Variants in CDH13 observed in about 807,000 individuals in gnomAD.
The protein encoded by CDH13 is cadherin-13.
CDH13 carries 24 observed loss-of-function variants against 63.8 expected under a neutral mutation model. The ratio of observed to expected loss-of-function variants is 0.38; its 90% CI spans 0.27 to 0.53. The LOEUF (loss-of-function observed/expected upper bound fraction) is 0.53. Ranked by LOEUF, CDH13 falls within the 20% of genes least tolerant of loss-of-function variation. CDH13 has a pLI of 0.85. For missense variants in CDH13, 1,049 were observed against 903.1 expected (o/e 1.16, Z -2.07); for synonymous variants, 503 against 355.3 (o/e 1.42, Z -4.67).
At chr16:83,005,598 C>G (rs1029301937) in intron 2 of CDH13, among the ~76,000 whole-genome samples, 4 of 152,194 alleles carry the variant, frequency 2.6e-5, no homozygotes, top group African/African-American at 7.2e-5. Context: ...TTCATCTTCT[C>G]TACCTCCCAG....
At chr16:83,446,579 A>G (rs1409710286) in intron 6 of CDH13, among the ~76,000 whole-genome samples, 2 of 152,200 alleles carry the variant, frequency 1.3e-5, no homozygotes, top group Non-Finnish European at 2.9e-5. Flanking sequence ...AAAACCACAC[A>G]GGGATTTGGT....
chr16:83,705,002 A>G (rs1227362897), intron 10 of CDH13, among the ~76,000 whole-genome samples: 1 of 152,236 alleles, frequency 6.6e-6, no homozygotes, highest in Non-Finnish European at 1.5e-5. Flanking sequence ...TCCAAGAATA[A>G]GTTATCTCAC....
At chr16:82,806,898 T>C (rs895896427) in intron 1 of CDH13, among the ~76,000 whole-genome samples, 1 of 152,130 alleles carries the variant, frequency 6.6e-6, no homozygotes, top group African/African-American at 2.4e-5. Context: ...AAGAATAATA[T>C]GCTCTAGCAT....
At chr16:83,271,284 T>C (rs1179617730) in intron 5 of CDH13, among the ~76,000 whole-genome samples, 1 of 151,636 alleles carries the variant, frequency 6.6e-6, no homozygotes, top group Non-Finnish European at 1.5e-5. Context: ...GTATTTCCAG[T>C]AATGTGGGTG....
chr16:83,145,889 A>G (rs1221973643), intron 4 of CDH13, among the ~76,000 whole-genome samples: 1 of 152,176 alleles, frequency 6.6e-6, no homozygotes, highest in Non-Finnish European at 1.5e-5. Context: ...TGTGACTCTA[A>G]GGATGAAAAG....
At chr16:83,534,585 C>G (rs2075147846) in intron 7 of CDH13, among the ~76,000 whole-genome samples, 1 of 152,126 alleles carries the variant, frequency 6.6e-6, no homozygotes, top group Non-Finnish European at 1.5e-5. Flanking sequence ...GCGATTGGCC[C>G]CTGTCACTTA....
intron 1 of CDH13, among the ~76,000 whole-genome samples, chr16:82,841,262 T>A (rs1597767231): frequency 2.0e-5 from 3 of 152,342 alleles, no homozygotes; most frequent in African/African-American, 7.2e-5. Flanking sequence ...ACAGTGGCCA[T>A]ATGGGACGTG....
At chr16:83,762,421 T>C (rs1438035634) in intron 11 of CDH13, among the ~76,000 whole-genome samples, 1 of 151,478 alleles carries the variant, frequency 6.6e-6, no homozygotes, top group Admixed American at 6.6e-5. Context: ...ACCCAAGCGG[T>C]AGAGAGAACA....
intron 4 of CDH13, among the ~76,000 whole-genome samples, chr16:83,165,616 A>G (rs774086687): frequency 4.6e-5 from 7 of 152,218 alleles, no homozygotes; most frequent in Middle Eastern, 3.4e-3. Context: ...GAGACCTGGA[A>G]TTGATGACCT....
At chr16:82,836,126 G>GTTTGTT (rs1222285818) in intron 1 of CDH13, among the ~76,000 whole-genome samples, 1 of 151,996 alleles carries the variant, frequency 6.6e-6, no homozygotes, top group Admixed American at 6.6e-5. Flanking sequence ...CATTTTGTTT[G>GTTTGTT]CTTGTTTTTG....
chr16:83,712,395 C>T (rs1451417702), intron 10 of CDH13, among the ~76,000 whole-genome samples: 1 of 152,088 alleles, frequency 6.6e-6, no homozygotes, highest in Non-Finnish European at 1.5e-5. Flanking sequence ...GATCTTTGCC[C>T]AACAGGAAGG....
intron 1 of CDH13, among the ~76,000 whole-genome samples, chr16:82,821,865 AGGAATG>A (rs2151096508): frequency 1.3e-5 from 2 of 152,334 alleles, no homozygotes; most frequent in South Asian, 4.1e-4. Context: ...AAGGGCTTGA[AGGAATG>A]TATGGTCCCC....
chr16:82,740,071 A>G (rs777950441), intron 1 of CDH13, among the ~76,000 whole-genome samples: 1 of 152,154 alleles, frequency 6.6e-6, no homozygotes, highest in Non-Finnish European at 1.5e-5. Flanking sequence ...GCCTATTACA[A>G]CCTGATTTTA....
chr16:83,770,235 T>A (rs1914671202), intron 11 of CDH13, among the ~76,000 whole-genome samples: 1 of 152,148 alleles, frequency 6.6e-6, no homozygotes, highest in South Asian at 2.1e-4. Context: ...CACAGGAAAC[T>A]GTTTTTTACC....
At chr16:83,669,758 A>G (rs756738832) in intron 8 of CDH13, among the ~76,000 whole-genome samples, 5 of 152,222 alleles carry the variant, frequency 3.3e-5, no homozygotes, top group African/African-American at 1.2e-4. Flanking sequence ...TTTGAACACA[A>G]GGGCTTTTTG....
intron 8 of CDH13, among the ~76,000 whole-genome samples, chr16:83,654,518 A>C (rs1376233827): frequency 6.6e-6 from 1 of 152,088 alleles, no homozygotes; most frequent in Non-Finnish European, 1.5e-5. Flanking sequence ...GGCCAAGAGG[A>C]GAAGAAGCAC....
In CDH13 at chr16:82,899,885, C is replaced by T. The variant is rs1395504066; in HGVS notation, c.157+41412C>T. Among the ~76,000 whole-genome samples, 3 of 152,158 alleles carry T rather than the reference C, an allele frequency of 2.0e-5. No individual in the cohort carries two copies. In the East Asian group the frequency reaches 5.8e-4, roughly 29 times the overall value. ...ATAATAGGCCCATGATTTCCTGGCC[C>T]CTGGCATTCAGGATAGTGAGCATGT... On this transcript the variant is annotated intron_variant, in intron 2 of 13. Coordinates refer to ENST00000567109, the MANE Select transcript of CDH13 (RefSeq NM_001257.5).
intron 1 of CDH13, among the ~76,000 whole-genome samples, chr16:82,736,184 T>C (rs2033664694): frequency 1.3e-5 from 2 of 152,204 alleles, no homozygotes; most frequent in South Asian, 2.1e-4. Context: ...CACTTGTTGA[T>C]TTTTCTCTCT....
chr16:83,129,846 C>T (rs1353226234), intron 4 of CDH13, among the ~76,000 whole-genome samples: 2 of 152,236 alleles, frequency 1.3e-5, no homozygotes, highest in Non-Finnish European at 2.9e-5. Context: ...TCTGCTTCAT[C>T]ACCAAAACTA....
Sources: gnomAD v4.1 joint callset for allele counts (sites outside exome capture counted in the v4.1 genomes callset) on GRCh38, gnomAD v4.1.1 for gene constraint, MANE v1.5 for transcripts, NCBI Gene and HGNC (gene_info 2026-07-23, HGNC 2026-07-21) for gene names.